Variants in CSMD1 observed in about 807,000 individuals in gnomAD.
The protein encoded by CSMD1 is CUB and Sushi multiple domains 1.
Under a neutral mutation model 417.5 loss-of-function variants are expected in CSMD1, and 213 were observed. That is an observed-to-expected ratio of 0.51 (90% confidence interval 0.46 to 0.57). The LOEUF (loss-of-function observed/expected upper bound fraction) is 0.57. Among genes scored for constraint, CSMD1 ranks in the 20% least tolerant of loss-of-function variants. The pLI is 0.00. For missense variants in CSMD1, 6,923 were observed against 4,529.7 expected, an observed-to-expected ratio of 1.53 and a Z score of -15.17; for synonymous variants, 2,862 against 1,736.8, an observed-to-expected ratio of 1.65 and a Z score of -16.11.
intron 23 of CSMD1, among the ~76,000 whole-genome samples, chr8:3,309,626 A>T (rs1384849953): frequency 6.6e-6 from 1 of 152,216 alleles, no homozygotes; most frequent in African/African-American, 2.4e-5. Flanking sequence ...CAATTGTAAA[A>T]GGGAGAGCTG....
chr8:4,928,161 T>C (rs906302291), intron 1 of CSMD1, among the ~76,000 whole-genome samples: 1 of 152,120 alleles, frequency 6.6e-6, no homozygotes, highest in Admixed American at 6.5e-5. Context: ...ACACATAGAC[T>C]TTCCCGTTGC....
At chr8:3,691,433 G>C (rs1485221820) in intron 7 of CSMD1, among the ~76,000 whole-genome samples, 1 of 152,008 alleles carries the variant, frequency 6.6e-6, no homozygotes, top group Admixed American at 6.6e-5. Context: ...TGTCAATGAA[G>C]AGAAGATTGG....
chr8:4,886,471 T>C (rs1482261093), intron 1 of CSMD1, among the ~76,000 whole-genome samples: 1 of 152,050 alleles, frequency 6.6e-6, no homozygotes, highest in Non-Finnish European at 1.5e-5. Flanking sequence ...TTCTTTATGA[T>C]GTCTTTTTAG....
intron 1 of CSMD1, among the ~76,000 whole-genome samples, chr8:4,826,047 C>T (rs1799807998): frequency 6.6e-6 from 1 of 151,888 alleles, no homozygotes; most frequent in African/African-American, 2.4e-5. Context: ...GAACATGAAA[C>T]AGCACAGCCA....
intron 7 of CSMD1, among the ~76,000 whole-genome samples, chr8:3,693,819 G>T (rs893246835): frequency 6.6e-6 from 1 of 151,144 alleles, no homozygotes; most frequent in Non-Finnish European, 1.5e-5. Flanking sequence ...TGTTGTGTTT[G>T]TTATGGTGTG....
At chr8:2,967,392 C>T (rs1435772292) in intron 57 of CSMD1, among the ~76,000 whole-genome samples, 1 of 152,222 alleles carries the variant, frequency 6.6e-6, no homozygotes, top group Non-Finnish European at 1.5e-5. Flanking sequence ...ATGCCATGTA[C>T]AGGCAATAAG....
At chr8:4,047,198 A>G (rs1030010322) in intron 3 of CSMD1, among the ~76,000 whole-genome samples, 2 of 152,154 alleles carry the variant, frequency 1.3e-5, no homozygotes, top group Admixed American at 6.5e-5. Flanking sequence ...GATGCTCTGT[A>G]GTAACTCATG....
At chr8:3,387,411 A>G (rs1408888708) in intron 18 of CSMD1, 83 bp downstream of exon 18, 8 of 1,211,790 alleles carry the variant, frequency 6.6e-6, no homozygotes, top group Non-Finnish European at 8.1e-6. Flanking sequence ...ACCCCCTGAA[A>G]TACACACACC....
At chr8:4,272,611 T>G (rs960893916) in intron 3 of CSMD1, among the ~76,000 whole-genome samples, 1 of 152,210 alleles carries the variant, frequency 6.6e-6, no homozygotes, top group African/African-American at 2.4e-5. Context: ...TTTATGTGCC[T>G]GTTTTTGTTG....
At chr8:3,776,984 G>C (rs112624541) in intron 5 of CSMD1, among the ~76,000 whole-genome samples, 137 of 151,920 alleles carry the variant, frequency 9.0e-4, no homozygotes, top group African/African-American at 3.1e-3. Context: ...ATAGTGCTGG[G>C]ATTACATGCA....
chr8:4,738,486 C>G (rs1048634632), intron 1 of CSMD1, among the ~76,000 whole-genome samples: 2 of 152,050 alleles, frequency 1.3e-5, no homozygotes, highest in African/African-American at 4.8e-5. Context: ...ATCAGGAGAA[C>G]AGGATGGGGA....
intron 2 of CSMD1, among the ~76,000 whole-genome samples, chr8:4,636,051 C>G (rs1424170387): frequency 6.6e-6 from 1 of 151,828 alleles, no homozygotes; most frequent in Non-Finnish European, 1.5e-5. Context: ...AGTTATGTAG[C>G]ATATATTGAC....
chr8:4,802,768 T>C (rs1798373075), intron 1 of CSMD1, among the ~76,000 whole-genome samples: 1 of 152,216 alleles, frequency 6.6e-6, no homozygotes, highest in South Asian at 2.1e-4. Flanking sequence ...GTTATACTCA[T>C]TCTCGCTTCC....
chr8:4,406,755 G>GA (rs1258147326), intron 3 of CSMD1, among the ~76,000 whole-genome samples: 23 of 152,060 alleles, frequency 1.5e-4, no homozygotes, highest in Non-Finnish European at 3.1e-4. Context: ...TGCCAACAAA[G>GA]AAAAAAATAA....
rs535867057 is a variant in CSMD1, at chr8:4,152,421, G to A, written c.416-120322C>T. Among the ~76,000 whole-genome samples, 8 of 151,970 alleles carry A rather than the reference G, an allele frequency of 5.3e-5. No individual in the cohort carries two copies. The South Asian group carries it at 1.5e-3, about 28-fold the overall frequency. Reference sequence around the variant, plus strand: ...AGGCCAGGCACAGTGGCTCACACCTGTAATCCCAGCAATTTGGCCAAGGCA... The same window carrying A: ...AGGCCAGGCACAGTGGCTCACACCTATAATCCCAGCAATTTGGCCAAGGCA... On this transcript the variant is annotated intron_variant, in intron 3 of 69. Coordinates refer to ENST00000635120, the MANE Select transcript of CSMD1 (RefSeq NM_033225.6).
chr8:3,286,010 TG>T (rs1803126439), intron 25 of CSMD1, among the ~76,000 whole-genome samples: 1 of 152,126 alleles, frequency 6.6e-6, no homozygotes, highest in Non-Finnish European at 1.5e-5. Context: ...CAGTGTGTGA[TG>T]TTCCCCTTCC....
intron 12 of CSMD1, among the ~76,000 whole-genome samples, chr8:3,411,808 G>A (rs113018974): frequency 9.2e-6 from 1 of 108,910 alleles, no homozygotes; most frequent in Non-Finnish European, 1.8e-5. Context: ...ATATATACAC[G>A]TATATATACG....
At position 4,675,689 on chromosome 8, in the gene CSMD1, AAG is replaced by A. The variant is rs527545347; in HGVS notation, c.86-38133_86-38132del. Among the ~76,000 whole-genome samples the A allele has an allele frequency of 6.0e-4, 92 of 152,320 alleles. No individual in the cohort carries two copies. The East Asian group carries it at 0.015, about 26-fold the overall frequency. ...AATTGAGCTGTTTAAGTAAAAATCCAAGAGTTATATTTGGTATTTTTTTTGCA... is the reference window on the plus strand; with the variant it reads ...AATTGAGCTGTTTAAGTAAAAATCCAAGTTATATTTGGTATTTTTTTTGCA... On this transcript the variant is annotated intron_variant, in intron 1 of 69. Coordinates refer to ENST00000635120, the MANE Select transcript of CSMD1 (RefSeq NM_033225.6).
At chr8:4,329,440 C>G (rs1025482704) in intron 3 of CSMD1, among the ~76,000 whole-genome samples, 7 of 152,076 alleles carry the variant, frequency 4.6e-5, no homozygotes, top group African/African-American at 1.7e-4. Flanking sequence ...AGGCAGGCGT[C>G]AGCACACTGG....
Sources: gnomAD v4.1 joint callset for allele counts (sites outside exome capture counted in the v4.1 genomes callset) on GRCh38, gnomAD v4.1.1 for gene constraint, MANE v1.5 for transcripts, NCBI Gene and HGNC (gene_info 2026-07-23, HGNC 2026-07-21) for gene names.